YKT6: variants seen among roughly 807,000 people sequenced by gnomAD.
YKT6 encodes the protein synaptobrevin homolog YKT6.
YKT6 carries 12 observed loss-of-function variants against 29.3 expected under a neutral mutation model. That is an observed-to-expected ratio of 0.41 (90% confidence interval 0.26 to 0.66). The LOEUF is 0.66. Among genes scored for constraint, YKT6 ranks in the 30% least tolerant of loss-of-function variants. The probability of loss-of-function intolerance (pLI) is 0.32; values close to 1 mark genes in which losing one functional copy is unlikely to be tolerated. For missense variants in YKT6, 188 were observed against 243.8 expected (o/e 0.77, Z 1.52); for synonymous variants, 86 against 94.3 (o/e 0.91, Z 0.51).
intron 3 of YKT6, 77 bp downstream of exon 3, chr7:44,206,562 A>G (rs1414005074): frequency 1.6e-6 from 2 of 1,253,498 alleles, no homozygotes; most frequent in Non-Finnish European, 2.3e-6. Flanking sequence ...GGTTGATGGC[A>G]GTCCCTGAGA....
chr7:44,206,317 T>TG lies in YKT6; in HGVS notation c.188-62dup. 6 of 1,509,688 alleles carry TG rather than the reference T, an allele frequency of 4.0e-6. No individual in the cohort carries two copies. In the South Asian group the frequency reaches 4.5e-5, roughly 11 times the overall value. The allele number at this position is 1,509,688 out of a possible 1,614,324, so 93.5% of individuals were successfully genotyped here. A position where few individuals can be genotyped will look rare whatever the true frequency, so the allele number is the denominator to read the frequency against. ...TGGCCTAACATTGGATGCTTTGATT[T>TG]GGGGGGATTAAAAGAAGTCTGAAGC... On this transcript the variant is annotated intron_variant, in intron 2 of 6. Transcript: ENST00000223369.
intron 2 of YKT6, among the ~76,000 whole-genome samples, chr7:44,205,990 G>T (rs1347655376): frequency 6.6e-6 from 1 of 152,176 alleles, no homozygotes; most frequent in Non-Finnish European, 1.5e-5. Flanking sequence ...GCTTGTCCAG[G>T]GTTCCCTAAG....
intron 4 of YKT6, 76 bp from the exon 5 acceptor site, chr7:44,208,057 C>T: frequency 2.7e-6 from 4 of 1,494,068 alleles, no homozygotes; most frequent in Non-Finnish European, 3.7e-6. Flanking sequence ...AAAGTTTGTC[C>T]AGCTTCCTCA....
Position 44,212,361 on chromosome 7 carries a change from G to A in YKT6, c.*79G>A. The A allele has an allele frequency of 6.4e-7, 1 of 1,570,248 alleles. No individual in the cohort carries two copies. The highest frequency in any genetic ancestry group is 8.7e-7 in the Non-Finnish European group (1 of 1,148,244). ...TGCAGCCCCTGGAAAAGAAGAGACA[G>A]CCATAGACGAGGAGCCAGAGTGGGG... On this transcript the variant is annotated 3_prime_UTR_variant, in exon 7 of 7. Transcript: ENST00000223369.
At position 44,202,431 on chromosome 7, in the gene YKT6, C is replaced by A. The variant is rs2096336786; in HGVS notation, c.104+1192C>A. Among the ~76,000 whole-genome samples the A allele has an allele frequency of 2.6e-5, 4 of 152,160 alleles. No homozygotes were observed. The South Asian group carries it at 8.3e-4, about 32-fold the overall frequency. Reference sequence around the variant, plus strand: ...TTATCAAATTCGTGTCTATTAAACACATTCCCTTCTCCCCCAGCCCATGGC... The same window carrying A: ...TTATCAAATTCGTGTCTATTAAACAAATTCCCTTCTCCCCCAGCCCATGGC... On this transcript the variant is annotated intron_variant, in intron 1 of 6. Coordinates refer to ENST00000223369, the MANE Select transcript of YKT6 (RefSeq NM_006555.4).
Position 44,207,661 on chromosome 7 carries a change from G to A in YKT6, c.393+169G>A, listed in dbSNP as rs1437289225. On this transcript the variant is annotated intron_variant, in intron 4 of 6. Coordinates refer to ENST00000223369, the MANE Select transcript of YKT6 (RefSeq NM_006555.4). ...AAAACAGAGAATCTACGTTCAGACC[G>A]GGGAACCCAAGCTCTAGGCAGGCTT... Among the ~76,000 whole-genome samples, 4 of 152,178 alleles carry A rather than the reference G, an allele frequency of 2.6e-5. No homozygotes were observed. In the East Asian group the frequency reaches 5.8e-4, roughly 22 times the overall value.
chr7:44,207,134 A>C (rs41279621), intron 3 of YKT6, among the ~76,000 whole-genome samples: 8,192 of 152,286 alleles, frequency 0.054, 285 homozygotes, highest in East Asian at 0.086. Flanking sequence ...TTACTCCCCA[A>C]GTGAGGTTCA....
intron 4 of YKT6, 39 bp downstream of exon 4, chr7:44,207,531 C>G: frequency 1.3e-6 from 2 of 1,589,802 alleles, no homozygotes; most frequent in Non-Finnish European, 1.7e-6. Flanking sequence ...CCATGTGGCC[C>G]AGAATCCATG....
At chr7:44,204,752 C>T in intron 2 of YKT6, 102 bp downstream of exon 2, 1 of 1,046,248 alleles carries the variant, frequency 9.6e-7, no homozygotes, top group Admixed American at 2.1e-5. Context: ...CCTACTCCTC[C>T]TCTAGCTTGT....
intron 5 of YKT6, among the ~76,000 whole-genome samples, chr7:44,209,053 C>G (rs1456046424): frequency 6.6e-6 from 1 of 152,198 alleles, no homozygotes; most frequent in East Asian, 1.9e-4. Flanking sequence ...TTTGTCACTG[C>G]TTGTTTACAT....
At chr7:44,211,509 A>G in intron 6 of YKT6, 1 of 1,012,636 alleles carries the variant, frequency 9.9e-7, no homozygotes, top group Non-Finnish European at 1.2e-6. Flanking sequence ...CAAGCAATTC[A>G]GCCTTCCTGA....
At position 44,201,239 on chromosome 7, in the gene YKT6, G is replaced by A; in HGVS notation, c.104G>A (p.Ser35Asn). The A allele has an allele frequency of 6.2e-7, 1 of 1,611,504 alleles. No homozygotes were observed. The change falls in exon 1 of 7, where the codon AGC (serine) becomes AAC (asparagine). Residue 35 changes from serine to asparagine, a missense_variant and splice_region_variant. Physicochemically the swap from Ser to Asn is conservative, Grantham distance 46. Coordinates refer to ENST00000223369, the MANE Select transcript of YKT6 (RefSeq NM_006555.4). ...VSSFSFFQRS[S>N]VQEFMTFTSQ... ...TCCTTCAGCTTTTTCCAGAGATCCAGGTGAGCGGCACAGGCTGGTGGGCCG... is the reference window on the plus strand; with the variant it reads ...TCCTTCAGCTTTTTCCAGAGATCCAAGTGAGCGGCACAGGCTGGTGGGCCG...
At chr7:44,206,290 T>C (rs2096340785) in intron 2 of YKT6, 95 bp from the exon 3 acceptor site, 11 of 1,301,536 alleles carry the variant, frequency 8.5e-6, no homozygotes, top group Admixed American at 1.9e-5. Flanking sequence ...AGTGGCTTCA[T>C]TTGGCCTAAC....
chr7:44,212,315 C>T lies in YKT6; in HGVS notation c.*33C>T. 3 of 1,612,126 alleles carry T rather than the reference C, an allele frequency of 1.9e-6. No homozygotes were observed. Among genetic ancestry groups the T allele is most frequent in the Non-Finnish European group, 1.7e-6 (2 of 1,178,750 alleles). ...TGCCAGAGGCCCAATGCTGGAATGGCACCATCATTCACATCAGAACTGCAG... is the reference window on the plus strand; with the variant it reads ...TGCCAGAGGCCCAATGCTGGAATGGTACCATCATTCACATCAGAACTGCAG... On this transcript the variant is annotated 3_prime_UTR_variant, in exon 7 of 7. Transcript: ENST00000223369.
At chr7:44,207,601 G>A in intron 4 of YKT6, 109 bp downstream of exon 4, 1 of 882,478 alleles carries the variant, frequency 1.1e-6, no homozygotes, top group South Asian at 1.6e-5. Flanking sequence ...GACAGCTTCT[G>A]ATGCTGGTGT....
intron 5 of YKT6, among the ~76,000 whole-genome samples, chr7:44,209,896 A>G (rs1442918119): frequency 6.6e-6 from 1 of 152,208 alleles, no homozygotes; most frequent in Non-Finnish European, 1.5e-5. Flanking sequence ...AGAAGGCAGG[A>G]CATGTTCTGT....
At chr7:44,208,426 G>A (rs1562743463) in intron 5 of YKT6, 1 of 500,196 alleles carries the variant, frequency 2.0e-6, no homozygotes, top group South Asian at 2.3e-5. Flanking sequence ...CTGGGAACCA[G>A]TGGAACCCTC....
intron 4 of YKT6, among the ~76,000 whole-genome samples, chr7:44,207,723 T>C (rs1207386844): frequency 6.6e-6 from 1 of 152,158 alleles, no homozygotes; most frequent in African/African-American, 2.4e-5. Flanking sequence ...CTGTGGGTTT[T>C]TTTTTTTGTT....
chr7:44,204,658 G>C lies in YKT6; in HGVS notation c.187+8G>C. 1.9e-6 allele frequency: 3 copies of C among 1,614,156 alleles called. No individual in the cohort carries two copies. Among genetic ancestry groups the C allele is most frequent in the Non-Finnish European group, 1.7e-6 (2 of 1,180,010 alleles). On this transcript the variant is annotated splice_region_variant and intron_variant, in intron 2 of 6. Transcript: ENST00000223369. ...CTTCTGTCAAAGAACAAGGTAAGAA[G>C]ACCCTCCAACTTCTGTGCGTGTGCT...
Sources: gnomAD v4.1 joint callset for allele counts (sites outside exome capture counted in the v4.1 genomes callset) on GRCh38, gnomAD v4.1.1 for gene constraint, MANE v1.5 for transcripts, NCBI Gene and HGNC (gene_info 2026-07-23, HGNC 2026-07-21) for gene names.